The following PHIP variants were observed in gnomAD, a reference collection of about 807,000 sequenced individuals.
PHIP encodes the protein PH-interacting protein.
A neutral mutation model predicts 236.8 loss-of-function variants in PHIP; 54 were observed. The ratio of observed to expected loss-of-function variants is 0.23; its 90% CI spans 0.18 to 0.29. PHIP has a LOEUF of 0.29. Among genes scored for constraint, PHIP ranks in the 10% least tolerant of loss-of-function variants. PHIP has a pLI of 1.00. For missense variants in PHIP, 1,370 were observed against 2,190.8 expected (o/e 0.63, Z 7.48); for synonymous variants, 756 against 718.9 (o/e 1.05, Z -0.83).
At chr6:79,057,823 A>G (rs901685413) in intron 6 of PHIP, among the ~76,000 whole-genome samples, 23 of 152,226 alleles carry the variant, frequency 1.5e-4, no homozygotes, top group African/African-American at 5.1e-4. Flanking sequence ...GCATTGTACC[A>G]CTATGCAGGC....
chr6:78,971,284 T>C (rs762363335), intron 24 of PHIP, among the ~76,000 whole-genome samples: 16 of 152,226 alleles, frequency 1.1e-4, no homozygotes, highest in Non-Finnish European at 1.6e-4. Context: ...CTTTCACATA[T>C]ATTTTAATCC....
intron 15 of PHIP, among the ~76,000 whole-genome samples, chr6:79,007,413 T>C (rs1770340821): frequency 6.6e-6 from 1 of 151,962 alleles, no homozygotes; most frequent in Admixed American, 6.6e-5. Context: ...TTCTGAAAGG[T>C]ATGTTGAAAA....
At chr6:78,995,917 T>C (rs1315112859) in intron 19 of PHIP, among the ~76,000 whole-genome samples, 3 of 152,122 alleles carry the variant, frequency 2.0e-5, no homozygotes, top group Non-Finnish European at 4.4e-5. Context: ...GAGACAAAGC[T>C]CCAGGAAGCC....
At position 78,985,439 on chromosome 6, in the gene PHIP, T is replaced by C. The variant is rs772244621; in HGVS notation, c.2461-11A>G. 1 of 1,381,796 alleles carries C rather than the reference T, an allele frequency of 7.2e-7. No individual in the cohort carries two copies. The highest frequency in any genetic ancestry group is 1.0e-6 in the Non-Finnish European group (1 of 968,988). 85.6% of individuals were successfully genotyped at this position (1,381,796 alleles called of 1,614,324 possible). ...AACTACTTCGCCTTCCTAAGATATG[T>C]TGAATACATGTCTTATTGCATAATT... On this transcript the variant is annotated splice_polypyrimidine_tract_variant and intron_variant, in intron 21 of 39. Transcript: ENST00000275034.
At position 79,026,153 on chromosome 6, in the gene PHIP, G is replaced by A. The variant is rs1384582365; in HGVS notation, c.612C>T (p.Asp204=). 1.2e-6 allele frequency: 2 copies of A among 1,611,936 alleles called. No homozygotes were observed. Among genetic ancestry groups the A allele is most frequent in the African/African-American group, 2.7e-5 (2 of 74,878 alleles). The change falls in exon 8 of 40, where the codon GAC becomes GAT. Residue 204 remains aspartate (D), a synonymous_variant. Transcript: ENST00000275034. ...CTGTTGCCCATATTTTCACAAGACA[G>A]TCATCAGAACCCTTAAAGTAAGAAT... The part of the protein sequence containing the change: ...TGRRIFTGSD[D]CLVKIWATDD...
intron 39 of PHIP, among the ~76,000 whole-genome samples, chr6:78,943,820 A>G (rs181479167): frequency 2.6e-5 from 4 of 151,890 alleles, no homozygotes; most frequent in East Asian, 1.9e-4. Flanking sequence ...AATCCTGTCT[A>G]TATCAAAAAT....
intron 15 of PHIP, among the ~76,000 whole-genome samples, chr6:79,008,621 T>G (rs1401953951): frequency 1.3e-5 from 2 of 152,202 alleles, no homozygotes; most frequent in South Asian, 2.1e-4. Flanking sequence ...CTGCTAAATA[T>G]ATGAGTATTT....
At chr6:79,043,773 T>C (rs1036241766) in intron 6 of PHIP, among the ~76,000 whole-genome samples, 1 of 151,862 alleles carries the variant, frequency 6.6e-6, no homozygotes, top group Non-Finnish European at 1.5e-5. Flanking sequence ...TCAATAAATA[T>C]ATGTTGACTG....
chr6:78,996,990 T>A (rs1013390215), intron 19 of PHIP, among the ~76,000 whole-genome samples: 3 of 150,958 alleles, frequency 2.0e-5, no homozygotes, highest in Non-Finnish European at 3.0e-5. Context: ...TTAATATATA[T>A]AAAATCTTTT....
intron 4 of PHIP, among the ~76,000 whole-genome samples, chr6:79,070,301 A>G (rs971665733): frequency 2.0e-5 from 3 of 152,224 alleles, no homozygotes; most frequent in African/African-American, 4.8e-5. Context: ...GTATTAATTT[A>G]AGGACGAAAC....
At chr6:78,978,550 A>G in intron 24 of PHIP, 42 bp downstream of exon 24, 1 of 1,519,876 alleles carries the variant, frequency 6.6e-7, no homozygotes, top group Non-Finnish European at 9.0e-7. Context: ...AATGTTTAAA[A>G]CTATGTGAGG....
At chr6:78,971,940 G>C (rs560251483) in intron 24 of PHIP, among the ~76,000 whole-genome samples, 11 of 151,402 alleles carry the variant, frequency 7.3e-5, no homozygotes, top group South Asian at 6.3e-4. Flanking sequence ...AGGCGGCAGC[G>C]AGGCTGGGGG....
At chr6:79,005,055 T>C (rs914999731) in intron 15 of PHIP, among the ~76,000 whole-genome samples, 4 of 152,062 alleles carry the variant, frequency 2.6e-5, no homozygotes, top group Non-Finnish European at 5.9e-5. Context: ...TGTGCAACAG[T>C]GCTTATTAAT....
intron 3 of PHIP, 38 bp from the exon 4 acceptor site, chr6:79,077,545 C>A (rs1774236167): frequency 7.7e-7 from 1 of 1,294,208 alleles, no homozygotes; most frequent in African/African-American, 1.6e-5. Flanking sequence ...CGGCCCCCGG[C>A]CCCTACCCGC....
chr6:79,066,781 AAC>A (rs534891575), intron 4 of PHIP, among the ~76,000 whole-genome samples: 18 of 152,334 alleles, frequency 1.2e-4, no homozygotes, highest in African/African-American at 4.3e-4. Flanking sequence ...AGAAAGTAAA[AAC>A]AGATTAAAGA....
chr6:79,048,959 T>C (rs1772648923), intron 6 of PHIP, among the ~76,000 whole-genome samples: 1 of 152,204 alleles, frequency 6.6e-6, no homozygotes, highest in African/African-American at 2.4e-5. Context: ...CAGTAAAATT[T>C]GGGCCTTTTC....
chr6:78,999,808 A>G (rs901833593), intron 17 of PHIP, among the ~76,000 whole-genome samples: 1 of 152,074 alleles, frequency 6.6e-6, no homozygotes, highest in African/African-American at 2.4e-5. Context: ...TTTATAAAAG[A>G]AAACTAAAAT....
chr6:78,967,913 T>C (rs1767247334), intron 27 of PHIP, among the ~76,000 whole-genome samples: 1 of 151,894 alleles, frequency 6.6e-6, no homozygotes, highest in African/African-American at 2.4e-5. Context: ...GGCGGGCGGA[T>C]CACAAGGTCA....
At chr6:78,945,545 A>G (rs768501419) in intron 38 of PHIP, 48 bp from the exon 39 acceptor site, 1 of 1,174,562 alleles carries the variant, frequency 8.5e-7, no homozygotes, top group Non-Finnish European at 1.2e-6. Context: ...TTGAACCTAA[A>G]GATAAGAAAA....
Sources: gnomAD v4.1 joint callset for allele counts (sites outside exome capture counted in the v4.1 genomes callset) on GRCh38, gnomAD v4.1.1 for gene constraint, MANE v1.5 for transcripts, NCBI Gene and HGNC (gene_info 2026-07-23, HGNC 2026-07-21) for gene names.